Variants in LRRC7 observed in about 807,000 individuals in gnomAD.
LRRC7 encodes the protein leucine-rich repeat-containing protein 7.
In LRRC7, 23 loss-of-function variants were observed where a neutral mutation model predicts 175.7. The observed-to-expected ratio is 0.13, with a 90% CI of 0.09 to 0.19. LRRC7 has a LOEUF of 0.19. Ranked by LOEUF, LRRC7 falls within the 10% of genes least tolerant of loss-of-function variation. LRRC7 has a pLI of 1.00. For missense variants in LRRC7, 1,354 were observed against 1,904.7 expected, an observed-to-expected ratio of 0.71 and a Z score of 5.38; for synonymous variants, 685 against 680.9, an observed-to-expected ratio of 1.01 and a Z score of -0.09.
At chr1:70,028,715 C>T (rs1216502121) in intron 18 of LRRC7, among the ~76,000 whole-genome samples, 1 of 152,076 alleles carries the variant, frequency 6.6e-6, no homozygotes, top group African/African-American at 2.4e-5. Flanking sequence ...AAGACTAATC[C>T]AAGGTTTTCT....
chr1:69,894,748 A>T (rs1645929993), intron 7 of LRRC7, among the ~76,000 whole-genome samples: 1 of 152,210 alleles, frequency 6.6e-6, no homozygotes, highest in African/African-American at 2.4e-5. Flanking sequence ...CAGTTGTAGG[A>T]CAAATGCTGT....
chr1:69,929,380 A>G (rs1308765152), intron 7 of LRRC7, among the ~76,000 whole-genome samples: 1 of 152,162 alleles, frequency 6.6e-6, no homozygotes, highest in African/African-American at 2.4e-5. Flanking sequence ...CAGTCTACCC[A>G]AAACCCTGCT....
intron 7 of LRRC7, among the ~76,000 whole-genome samples, chr1:69,878,820 A>G (rs1446558007): frequency 6.7e-6 from 1 of 148,916 alleles, no homozygotes; most frequent in Non-Finnish European, 1.5e-5. Context: ...GTATATATAT[A>G]TAAAAGAACA....
chr1:69,891,587 C>T (rs1570532928), intron 7 of LRRC7, among the ~76,000 whole-genome samples: 1 of 152,108 alleles, frequency 6.6e-6, no homozygotes, highest in South Asian at 2.1e-4. Flanking sequence ...CAAAACTTAG[C>T]CAGGTGTGGT....
intron 7 of LRRC7, among the ~76,000 whole-genome samples, chr1:69,906,034 T>C (rs910976626): frequency 6.6e-6 from 1 of 152,252 alleles, no homozygotes; most frequent in Non-Finnish European, 1.5e-5. Context: ...GTTCATGTGT[T>C]TTTTGGCTGC....
rs1489549551 is a variant in LRRC7, at chr1:69,753,286, GTGTGTGTGTA to G, written c.101-6895_101-6886del. On this transcript the variant is annotated intron_variant, in intron 2 of 26. Transcript: ENST00000651989. ...TATCCTTTACATAAATCATTGTCGTGTGTGTGTGTATGTGTGTGTGTGTGTGTGTGTGTGT... is the reference window on the plus strand; with the variant it reads ...TATCCTTTACATAAATCATTGTCGTGTGTGTGTGTGTGTGTGTGTGTGTGT... Among the ~76,000 whole-genome samples, 403 of 129,274 alleles carry G rather than the reference GTGTGTGTGTA, an allele frequency of 3.1e-3. 7 individuals are homozygous for G. The highest frequency in any genetic ancestry group is 0.024 in the Admixed American group (310 of 12,770). The allele number at this position is 129,274 out of a possible 152,430, so 84.8% of individuals were successfully genotyped here.
chr1:69,962,089 A>G (rs1173187116), intron 8 of LRRC7, among the ~76,000 whole-genome samples: 1 of 152,226 alleles, frequency 6.6e-6, no homozygotes, highest in Non-Finnish European at 1.5e-5. Context: ...CAAACTATGC[A>G]TCCGACAAAA....
intron 2 of LRRC7, among the ~76,000 whole-genome samples, chr1:69,711,240 G>A (rs1052041189): frequency 2.0e-5 from 3 of 152,184 alleles, no homozygotes; most frequent in Non-Finnish European, 2.9e-5. Context: ...TGTCAAACCT[G>A]TAATTCAATC....
chr1:69,885,855 T>G (rs1016743638), intron 7 of LRRC7, among the ~76,000 whole-genome samples: 1 of 129,064 alleles, frequency 7.7e-6, no homozygotes, highest in Non-Finnish European at 1.7e-5. Context: ...TCTTTATTTC[T>G]GCCTTCATTT....
At chr1:69,832,212 A>G (rs761276272) in intron 5 of LRRC7, among the ~76,000 whole-genome samples, 6 of 152,170 alleles carry the variant, frequency 3.9e-5, no homozygotes, top group Non-Finnish European at 7.3e-5. Context: ...TGTAAAACAC[A>G]TACCAGGGTT....
chr1:70,106,220 G>A (rs901853266), intron 25 of LRRC7, among the ~76,000 whole-genome samples: 5 of 152,130 alleles, frequency 3.3e-5, no homozygotes, highest in African/African-American at 1.2e-4. Context: ...TATGTGTTCA[G>A]AGTTGTGCAA....
intron 2 of LRRC7, among the ~76,000 whole-genome samples, chr1:69,721,279 T>A (rs1321088765): frequency 6.6e-6 from 1 of 151,880 alleles, no homozygotes; most frequent in Non-Finnish European, 1.5e-5. Flanking sequence ...GTGTTGTATA[T>A]TCTATGGGTT....
intron 8 of LRRC7, among the ~76,000 whole-genome samples, chr1:69,953,444 G>GT (rs1650160187): frequency 6.6e-6 from 1 of 151,868 alleles, no homozygotes; most frequent in Admixed American, 6.6e-5. Context: ...TTTGCCTTAT[G>GT]TCTTAGTTGT....
chr1:70,088,618 A>G (rs1036484085), intron 24 of LRRC7, among the ~76,000 whole-genome samples: 1 of 152,152 alleles, frequency 6.6e-6, no homozygotes, highest in African/African-American at 2.4e-5. Flanking sequence ...TTATGTAACC[A>G]ATGTATACTG....
chr1:69,724,617 CTTTT>C (rs1003115916), intron 2 of LRRC7, among the ~76,000 whole-genome samples: 2 of 151,954 alleles, frequency 1.3e-5, no homozygotes, highest in Non-Finnish European at 2.9e-5. Context: ...CAAATGTATG[CTTTT>C]TTAACAGTAG....
intron 3 of LRRC7, among the ~76,000 whole-genome samples, chr1:69,780,772 G>A (rs1409633231): frequency 6.6e-6 from 1 of 152,114 alleles, no homozygotes; most frequent in African/African-American, 2.4e-5. Flanking sequence ...GGAATTCAAA[G>A]GAAGAACTTC....
At chr1:69,721,612 T>C (rs1322378527) in intron 2 of LRRC7, among the ~76,000 whole-genome samples, 1 of 151,896 alleles carries the variant, frequency 6.6e-6, no homozygotes, top group Non-Finnish European at 1.5e-5. Context: ...ATTCATAAAG[T>C]ACTCTTTTTA....
chr1:69,671,920 C>T (rs1659135451), intron 1 of LRRC7, among the ~76,000 whole-genome samples: 1 of 152,284 alleles, frequency 6.6e-6, no homozygotes, highest in African/African-American at 2.4e-5. Context: ...TCTTTCCTGC[C>T]CTCTTCAATG....
chr1:69,607,749 A>G (rs1647848501), intron 1 of LRRC7: 1 of 152,162 alleles, frequency 6.6e-6, no homozygotes, highest in Non-Finnish European at 1.5e-5. Flanking sequence ...TGATTAGATT[A>G]GGTACAGTTC....
Sources: allele counts gnomAD v4.1 joint callset (sites outside exome capture counted in the v4.1 genomes callset), GRCh38; gene constraint gnomAD v4.1.1; transcripts MANE v1.5; gene names NCBI Gene and HGNC (gene_info 2026-07-23, HGNC 2026-07-21).